The following VPS8 variants were observed in gnomAD, a reference collection of about 807,000 sequenced individuals.
VPS8 encodes the protein vacuolar protein sorting-associated protein 8 homolog.
In VPS8, 129 loss-of-function variants were observed where a neutral mutation model predicts 216.4. The observed-to-expected ratio is 0.60, with a 90% CI of 0.52 to 0.69. The LOEUF is 0.69. Ranked by LOEUF, VPS8 falls within the 30% of genes least tolerant of loss-of-function variation. The pLI, the probability that VPS8 is intolerant of heterozygous loss-of-function variation, is 0.00. For missense variants in VPS8, 1,531 were observed against 1,683.5 expected, an observed-to-expected ratio of 0.91 and a Z score of 1.59; for synonymous variants, 571 against 565.4, an observed-to-expected ratio of 1.01 and a Z score of -0.14.
At chr3:184,841,499 A>G (rs907374519) in intron 7 of VPS8, among the ~76,000 whole-genome samples, 3 of 152,226 alleles carry the variant, frequency 2.0e-5, no homozygotes, top group African/African-American at 7.2e-5. Context: ...GTTTGTAAAC[A>G]TATAGTACTG....
chr3:184,935,624 G>C (rs999398440), intron 34 of VPS8, among the ~76,000 whole-genome samples: 1 of 152,164 alleles, frequency 6.6e-6, no homozygotes, highest in Non-Finnish European at 1.5e-5. Flanking sequence ...AACCAAGTAA[G>C]AAGAGAGTTT....
At chr3:184,812,382 C>G (rs1715312602) in intron 1 of VPS8, 157 bp downstream of exon 1, 1 of 152,178 alleles carries the variant, frequency 6.6e-6, no homozygotes, top group South Asian at 2.1e-4. Flanking sequence ...CAGCCCCTGA[C>G]GGGCTAACCG....
chr3:185,031,432 A>G (rs1476632810), intron 46 of VPS8, among the ~76,000 whole-genome samples: 1 of 152,174 alleles, frequency 6.6e-6, no homozygotes, highest in Non-Finnish European at 1.5e-5. Flanking sequence ...CATTGCCTCT[A>G]CTGAACACCA....
chr3:185,049,817 A>G (rs750948844), intron 47 of VPS8, among the ~76,000 whole-genome samples: 2 of 152,038 alleles, frequency 1.3e-5, no homozygotes, highest in African/African-American at 2.4e-5. Flanking sequence ...GGCAGAACCT[A>G]CTAGGTTACT....
intron 37 of VPS8, among the ~76,000 whole-genome samples, chr3:184,964,180 G>T (rs1056002260): frequency 6.6e-6 from 1 of 151,888 alleles, no homozygotes; most frequent in African/African-American, 2.4e-5. Flanking sequence ...TTGTTAGTAT[G>T]TATGTATATA....
chr3:184,922,553 A>G, intron 29 of VPS8: 1 of 370,344 alleles, frequency 2.7e-6, no homozygotes, highest in Non-Finnish European at 5.4e-6. Flanking sequence ...AATGAAGAGA[A>G]AGCTCCGTAA....
At chr3:184,963,121 T>C (rs1746811468) in intron 37 of VPS8, among the ~76,000 whole-genome samples, 1 of 152,168 alleles carries the variant, frequency 6.6e-6, no homozygotes, top group South Asian at 2.1e-4. Flanking sequence ...TCCCTCCTTA[T>C]TCTTTTTCTT....
intron 1 of VPS8, chr3:184,817,538 G>A (rs1433151628): frequency 1.3e-5 from 2 of 152,228 alleles, no homozygotes; most frequent in African/African-American, 4.8e-5. Context: ...TCCTAAGGAA[G>A]CAAAGTTTTA....
At chr3:184,845,899 T>C (rs1490991002) in intron 8 of VPS8, among the ~76,000 whole-genome samples, 1 of 152,072 alleles carries the variant, frequency 6.6e-6, no homozygotes, top group African/African-American at 2.4e-5. Flanking sequence ...TATATATGAA[T>C]GTAATCTATA....
intron 36 of VPS8, among the ~76,000 whole-genome samples, chr3:184,945,728 T>C (rs989606817): frequency 2.6e-5 from 4 of 152,148 alleles, no homozygotes; most frequent in African/African-American, 9.7e-5. Flanking sequence ...ACCAATTCAC[T>C]GAGACCACAA....
intron 36 of VPS8, among the ~76,000 whole-genome samples, chr3:184,949,251 C>T (rs569017553): frequency 2.0e-5 from 3 of 152,050 alleles, no homozygotes; most frequent in Admixed American, 2.0e-4. Context: ...GAGCCATGAT[C>T]ATGCCACTGC....
chr3:185,023,580 C>G (rs2110072615), intron 45 of VPS8, among the ~76,000 whole-genome samples: 1 of 152,186 alleles, frequency 6.6e-6, no homozygotes, highest in East Asian at 1.9e-4. Context: ...AATCACTGAA[C>G]CTGGGAGGCG....
At chr3:185,026,138 C>T (rs1420229267) in intron 46 of VPS8, among the ~76,000 whole-genome samples, 3 of 152,004 alleles carry the variant, frequency 2.0e-5, no homozygotes, top group Non-Finnish European at 1.5e-5. Context: ...TTTGTGGGTT[C>T]TGCATCTGTG....
chr3:184,939,554 CTTT>C (rs71632037), intron 35 of VPS8, among the ~76,000 whole-genome samples: 5 of 141,188 alleles, frequency 3.5e-5, no homozygotes, highest in Non-Finnish European at 4.6e-5. Context: ...TTGCTGTCCT[CTTT>C]TTTTTTTTTT....
chr3:184,933,426 G>A (rs1741038576), intron 34 of VPS8, among the ~76,000 whole-genome samples: 1 of 151,898 alleles, frequency 6.6e-6, no homozygotes, highest in African/African-American at 2.4e-5. Context: ...TTACTGTTTT[G>A]GAAGATTTCT....
chr3:185,013,168 C>G (rs1755287221), intron 45 of VPS8, among the ~76,000 whole-genome samples: 1 of 152,216 alleles, frequency 6.6e-6, no homozygotes, highest in Non-Finnish European at 1.5e-5. Context: ...TCTGGTAAAT[C>G]CACAACCTTC....
At chr3:185,032,988 G>A (rs575984054) in intron 46 of VPS8, among the ~76,000 whole-genome samples, 8 of 152,150 alleles carry the variant, frequency 5.3e-5, no homozygotes, top group South Asian at 2.1e-4. Flanking sequence ...TAAGAGTACC[G>A]TAGTTTTAGG....
At chr3:184,985,656 G>T (rs1750951624) in intron 42 of VPS8, among the ~76,000 whole-genome samples, 1 of 152,164 alleles carries the variant, frequency 6.6e-6, no homozygotes. Context: ...GATTGACTCG[G>T]GGTGAGCAAA....
At chr3:184,991,706 T>G (rs1751923667) in intron 42 of VPS8, among the ~76,000 whole-genome samples, 1 of 152,204 alleles carries the variant, frequency 6.6e-6, no homozygotes, top group Non-Finnish European at 1.5e-5. Flanking sequence ...AAACGTATAC[T>G]TATTAAGAAC....
Sources: gnomAD v4.1 joint callset for allele counts (sites outside exome capture counted in the v4.1 genomes callset) on GRCh38, gnomAD v4.1.1 for gene constraint, MANE v1.5 for transcripts, NCBI Gene and HGNC (gene_info 2026-07-23, HGNC 2026-07-21) for gene names.